TNS3: variants seen among roughly 807,000 people sequenced by gnomAD.
TNS3 encodes the protein tensin 3.
Under a neutral mutation model 140.9 loss-of-function variants are expected in TNS3, and 45 were observed. That is an observed-to-expected ratio of 0.32 (90% confidence interval 0.25 to 0.41). The LOEUF (loss-of-function observed/expected upper bound fraction) is 0.41. TNS3 is among the 10% of genes least tolerant of loss of function. TNS3 has a pLI of 1.00. For missense variants in TNS3, 1,716 were observed against 1,906.7 expected (o/e 0.90, Z 1.86); for synonymous variants, 815 against 788.4 (o/e 1.03, Z -0.56).
At chr7:47,350,873 G>C (rs1160948011) in intron 17 of TNS3, among the ~76,000 whole-genome samples, 1 of 152,160 alleles carries the variant, frequency 6.6e-6, no homozygotes, top group Non-Finnish European at 1.5e-5. Flanking sequence ...ACTTGAAGTG[G>C]ACAAACACGC....
chr7:47,465,416 C>G (rs1354535130), intron 4 of TNS3, among the ~76,000 whole-genome samples: 2 of 152,174 alleles, frequency 1.3e-5, no homozygotes, highest in Non-Finnish European at 2.9e-5. Context: ...CCAGCCTGAG[C>G]TCTGTGCCTA....
At chr7:47,297,039 C>A (rs1360060877) in intron 24 of TNS3, 43 bp downstream of exon 24, 1 of 1,593,160 alleles carries the variant, frequency 6.3e-7, no homozygotes, top group South Asian at 1.1e-5. Flanking sequence ...CAGAGTTTCT[C>A]TGTGGATGAG....
chr7:47,541,201 C>T (rs544561085), intron 1 of TNS3, among the ~76,000 whole-genome samples: 1 of 152,212 alleles, frequency 6.6e-6, no homozygotes, highest in East Asian at 1.9e-4. Context: ...GAGGCACCTT[C>T]GGGAGGAGCT....
At chr7:47,340,495 C>T (rs1031952815) in intron 20 of TNS3, among the ~76,000 whole-genome samples, 4 of 151,680 alleles carry the variant, frequency 2.6e-5, no homozygotes, top group Non-Finnish European at 5.9e-5. Flanking sequence ...TTTTGTGTGT[C>T]GAACTAGAAT....
At position 47,446,977 on chromosome 7, in the gene TNS3, C is replaced by T. The variant is rs193002857; in HGVS notation, c.-75-4922G>A. 1.0e-4 allele frequency among the ~76,000 whole-genome samples: 15 copies of T among 148,472 alleles called. No individual in the cohort carries two copies. In the East Asian group the frequency reaches 2.2e-3, roughly 22 times the overall value. On this transcript the variant is annotated intron_variant, in intron 4 of 30. Transcript: ENST00000311160. Reference sequence around the variant, plus strand: ...TGCTGGGATCACAGGCATGAGCTTCCGTGCCCGGCCAGACTGCTCTTTAGA... The same window carrying T: ...TGCTGGGATCACAGGCATGAGCTTCTGTGCCCGGCCAGACTGCTCTTTAGA...
chr7:47,348,792 T>A (rs535242565), intron 17 of TNS3, among the ~76,000 whole-genome samples: 16 of 152,200 alleles, frequency 1.1e-4, no homozygotes, highest in Non-Finnish European at 1.5e-4. Context: ...GGAAACTCAC[T>A]GGCTTCAGAA....
intron 16 of TNS3, among the ~76,000 whole-genome samples, chr7:47,382,504 T>G (rs1301471514): frequency 1.3e-5 from 2 of 152,220 alleles, no homozygotes; most frequent in African/African-American, 4.8e-5. Context: ...CAACGTGGTC[T>G]TTTGAAGCTT....
intron 20 of TNS3, among the ~76,000 whole-genome samples, chr7:47,340,680 G>T: frequency 6.7e-6 from 1 of 149,298 alleles, no homozygotes; most frequent in Admixed American, 6.8e-5. Context: ...CTCTTCCCTG[G>T]GATTTTCTGT....
Position 47,368,634 on chromosome 7 carries a change from C to T in TNS3, c.2012G>A (p.Gly671Glu). 1 of 1,599,282 alleles carries T rather than the reference C, an allele frequency of 6.3e-7. No individual in the cohort carries two copies. The highest frequency in any genetic ancestry group is 8.5e-7 in the Non-Finnish European group (1 of 1,173,036). Residue 671 changes from glycine to glutamate, a missense_variant, in exon 17 of 31, where the codon GGA (glycine) becomes GAA (glutamate). Physicochemically the swap from Gly to Glu is moderately conservative, Grantham distance 98 (BLOSUM62 -2). Around this residue, in one of 3 missense-constraint regions of TNS3, gnomAD observed 1,163 missense variants for 1,182.1 expected, o/e 0.98. Transcript: ENST00000311160. ...PSKAFKPRFPGDQVVNGAGPE... is the reference protein window; with the variant it reads ...PSKAFKPRFPEDQVVNGAGPE... ...GCCGGCTCCATTCACAACCTGGTCT[C>T]CTGGAAACCTGGGTTTGAACGCTTT...
At chr7:47,484,084 C>A (rs778080684) in intron 3 of TNS3, among the ~76,000 whole-genome samples, 9 of 152,248 alleles carry the variant, frequency 5.9e-5, no homozygotes, top group Non-Finnish European at 1.0e-4. Context: ...CCTCCACATT[C>A]GCATCCTACT....
chr7:47,405,402 CAG>C (rs1350352146), intron 13 of TNS3: 5 of 658,536 alleles, frequency 7.6e-6, no homozygotes, highest in African/African-American at 7.1e-5. Context: ...TCTGTGAACT[CAG>C]AGAATGAGTT....
At chr7:47,488,038 G>A (rs1407787948) in intron 3 of TNS3, among the ~76,000 whole-genome samples, 1 of 152,130 alleles carries the variant, frequency 6.6e-6, no homozygotes, top group South Asian at 2.1e-4. Flanking sequence ...ATCTCTACAC[G>A]GAGTAGCAGC....
In TNS3 at chr7:47,411,820, A is replaced by C; in HGVS notation, c.648-18T>G. The C allele has an allele frequency of 6.2e-7, 1 of 1,611,164 alleles. No individual in the cohort carries two copies. The stretch of plus-strand genomic sequence containing the variant: ...CAACGTTGCTTTGGGATGAAGAAGA[A>C]GGTAGATCATTATGCAACTTCATGA... On this transcript the variant is annotated intron_variant, in intron 12 of 30. Coordinates refer to ENST00000311160, the MANE Select transcript of TNS3 (RefSeq NM_022748.12).
intron 4 of TNS3, chr7:47,453,197 C>A: frequency 1.0e-6 from 1 of 985,628 alleles, no homozygotes; most frequent in Non-Finnish European, 1.2e-6. Context: ...ATGGAGCTCA[C>A]AGGACAATGT....
intron 2 of TNS3, among the ~76,000 whole-genome samples, chr7:47,512,930 C>T (rs1289148879): frequency 6.6e-6 from 1 of 152,062 alleles, no homozygotes; most frequent in Non-Finnish European, 1.5e-5. Flanking sequence ...TCTGAACAAA[C>T]CAAACATTAC....
At chr7:47,491,316 T>C (rs1797807125) in intron 3 of TNS3, among the ~76,000 whole-genome samples, 1 of 152,240 alleles carries the variant, frequency 6.6e-6, no homozygotes, top group Admixed American at 6.5e-5. Flanking sequence ...GAAAAAGCTC[T>C]GTCTTTGCAT....
At chr7:47,485,706 C>T (rs918242442) in intron 3 of TNS3, among the ~76,000 whole-genome samples, 2 of 152,232 alleles carry the variant, frequency 1.3e-5, no homozygotes, top group Non-Finnish European at 2.9e-5. Flanking sequence ...TTGGGAGCCT[C>T]TTTATTGCCT....
chr7:47,295,083 C>T (rs1201443329), intron 24 of TNS3, among the ~76,000 whole-genome samples: 1 of 152,086 alleles, frequency 6.6e-6, no homozygotes, highest in Non-Finnish European at 1.5e-5. Context: ...ATGTCAAATC[C>T]AGGGACAAGA....
At chr7:47,428,885 GA>G (rs1173766145) in intron 8 of TNS3, among the ~76,000 whole-genome samples, 13 of 152,246 alleles carry the variant, frequency 8.5e-5, no homozygotes, top group African/African-American at 3.1e-4. Context: ...ACACATAAAG[GA>G]ACCACTGTCC....
Sources: gnomAD v4.1 joint callset for allele counts (sites outside exome capture counted in the v4.1 genomes callset) on GRCh38, gnomAD v4.1.1 for gene constraint, gnomAD v4.1.1 regional missense constraint, MANE v1.5 for transcripts, NCBI Gene and HGNC (gene_info 2026-07-23, HGNC 2026-07-21) for gene names.